Variants in HS6ST2 observed in about 807,000 individuals in gnomAD.
HS6ST2 encodes heparan sulfate 6-O-sulfotransferase 2.
Under a neutral mutation model 33.0 loss-of-function variants are expected in HS6ST2, and 17 were observed. That is an observed-to-expected ratio of 0.52 (90% CI 0.35 to 0.77). The LOEUF is 0.77. Among genes scored for constraint, HS6ST2 ranks in the 30% least tolerant of loss-of-function variants. The probability of loss-of-function intolerance (pLI) is 0.01; values close to 1 mark genes in which losing one functional copy is unlikely to be tolerated. For missense variants in HS6ST2, 519 were observed against 551.7 expected, an observed-to-expected ratio of 0.94 and a Z score of 0.59; for synonymous variants, 248 against 237.1, an observed-to-expected ratio of 1.05 and a Z score of -0.42.
chrX:132,634,187 G>A (rs1370589550), intron 4 of HS6ST2, among the ~76,000 whole-genome samples: 7 of 111,981 alleles, frequency 6.3e-5, no homozygotes, highest in African/African-American at 2.3e-4. Flanking sequence ...TGTTCCTGTT[G>A]GCAATGCCTG....
At chrX:132,900,815 T>C (rs892419069) in intron 2 of HS6ST2, among the ~76,000 whole-genome samples, 1 of 111,234 alleles carries the variant, frequency 9.0e-6, no homozygotes, top group Non-Finnish European at 1.9e-5. Context: ...CATTGTGTAA[T>C]ACCTGCCCTT....
chrX:132,648,567 A>G (rs1015780464), intron 4 of HS6ST2, among the ~76,000 whole-genome samples: 120 of 107,826 alleles, frequency 1.1e-3, no homozygotes, highest in Non-Finnish European at 2.1e-3. Flanking sequence ...GGTTGGGTGT[A>G]AAAATACAGA....
intron 2 of HS6ST2, among the ~76,000 whole-genome samples, chrX:132,809,984 GAGA>G (rs945122660): frequency 1.8e-5 from 2 of 111,973 alleles, no homozygotes; most frequent in African/African-American, 6.5e-5. Context: ...TGGAAATAAG[GAGA>G]AGAATAAGTG....
intron 2 of HS6ST2, chrX:132,758,260 G>C (rs1307373745): frequency 8.9e-6 from 1 of 112,274 alleles, no homozygotes; most frequent in Non-Finnish European, 1.9e-5. Context: ...ACTTACTTCA[G>C]GGTCATCTTT....
intron 4 of HS6ST2, among the ~76,000 whole-genome samples, chrX:132,660,408 G>C (rs757462617): frequency 1.8e-5 from 2 of 111,713 alleles, no homozygotes; most frequent in African/African-American, 3.2e-5. Flanking sequence ...AGCATTTGCT[G>C]TCTTAACCAT....
At chrX:132,638,296 C>T (rs1363391610) in intron 4 of HS6ST2, among the ~76,000 whole-genome samples, 2 of 110,497 alleles carry the variant, frequency 1.8e-5, no homozygotes, top group Admixed American at 9.8e-5. Flanking sequence ...TCTGATGGAG[C>T]TGGACCCCTT....
At chrX:132,779,116 A>C (rs2064994643) in intron 2 of HS6ST2, among the ~76,000 whole-genome samples, 1 of 111,914 alleles carries the variant, frequency 8.9e-6, no homozygotes, top group South Asian at 3.8e-4. Flanking sequence ...AGTCACAAGG[A>C]AAAACTGGTG....
At chrX:132,894,468 TTGTTATGTTA>T (rs61054237) in intron 2 of HS6ST2, among the ~76,000 whole-genome samples, 7,335 of 91,728 alleles carry the variant, frequency 0.08, 493 homozygotes, top group African/African-American at 0.2. Context: ...GAAATTCCTA[TTGTTATGTTA>T]TGTTATGTTA....
intron 3 of HS6ST2, among the ~76,000 whole-genome samples, chrX:132,706,969 C>G (rs1044355615): frequency 8.9e-6 from 1 of 112,049 alleles, no homozygotes; most frequent in Admixed American, 9.4e-5. Context: ...ATTAGTTGCT[C>G]TGGCAATAAT....
rs140391490 is a variant in HS6ST2, at chrX:132,889,966, T to A, written c.947+66842A>T. On this transcript the variant is annotated intron_variant, in intron 2 of 4. Transcript: ENST00000370833. ...ACAAAGACCAAGGGAACAGAATAGA[T>A]AACACAAAGATTTTTAATTTCTCCT... 6.0e-3 allele frequency among the ~76,000 whole-genome samples: 672 copies of A among 111,533 alleles called. 7 individuals carry two copies. Among genetic ancestry groups the A allele is most frequent in the African/African-American group, 0.021 (633 of 30,682 alleles).
chrX:132,946,807 G>A (rs1360119200), intron 2 of HS6ST2, among the ~76,000 whole-genome samples: 1 of 111,879 alleles, frequency 8.9e-6, no homozygotes, highest in Admixed American at 9.5e-5. Flanking sequence ...AGAATTAAAT[G>A]AGAAAATATA....
intron 2 of HS6ST2, among the ~76,000 whole-genome samples, chrX:132,856,449 G>C (rs2065853079): frequency 9.0e-6 from 1 of 111,611 alleles, no homozygotes; most frequent in Admixed American, 9.6e-5. Flanking sequence ...GGGGGACAAC[G>C]CACCTTGAAA....
intron 2 of HS6ST2, among the ~76,000 whole-genome samples, chrX:132,806,842 C>G (rs1344616059): frequency 9.1e-6 from 1 of 109,668 alleles, no homozygotes; most frequent in Admixed American, 9.8e-5. Context: ...TCTTATACCC[C>G]TAATTGAAAG....
At chrX:132,851,443 C>A (rs1273488650) in intron 2 of HS6ST2, among the ~76,000 whole-genome samples, 2 of 112,426 alleles carry the variant, frequency 1.8e-5, no homozygotes, top group Non-Finnish European at 3.8e-5. Flanking sequence ...CTGTATGAGT[C>A]TGGGAAAGTC....
chrX:132,755,326 T>A (rs913013064), intron 2 of HS6ST2, among the ~76,000 whole-genome samples: 8 of 112,291 alleles, frequency 7.1e-5, no homozygotes, highest in African/African-American at 2.3e-4. Context: ...TGTGTATTTG[T>A]TAACACTTCC....
At chrX:132,805,539 G>A (rs1421525745) in intron 2 of HS6ST2, among the ~76,000 whole-genome samples, 3 of 108,811 alleles carry the variant, frequency 2.8e-5, no homozygotes, top group South Asian at 4.0e-4. Context: ...TGCATAGCCC[G>A]GCTAAACACA....
intron 2 of HS6ST2, among the ~76,000 whole-genome samples, chrX:132,940,919 C>T (rs1420242390): frequency 8.9e-6 from 1 of 111,757 alleles, no homozygotes; most frequent in African/African-American, 3.3e-5. Context: ...GCATAGAAAT[C>T]TGACCTCTGT....
intron 2 of HS6ST2, among the ~76,000 whole-genome samples, chrX:132,778,374 G>T (rs932726980): frequency 9.0e-5 from 10 of 111,216 alleles, no homozygotes; most frequent in African/African-American, 3.3e-4. Context: ...AGCAAAAAAC[G>T]TTGTTTTGTT....
At chrX:132,888,793 C>T (rs1272409447) in intron 2 of HS6ST2, among the ~76,000 whole-genome samples, 2 of 111,034 alleles carry the variant, frequency 1.8e-5, no homozygotes, top group Non-Finnish European at 1.9e-5. Context: ...TGTGAGCCAA[C>T]GTGTCCTGCC....
Sources: gnomAD v4.1 joint callset for allele counts (sites outside exome capture counted in the v4.1 genomes callset) on GRCh38, gnomAD v4.1.1 for gene constraint, MANE v1.5 for transcripts, NCBI Gene and HGNC (gene_info 2026-07-23, HGNC 2026-07-21) for gene names.